The following ZFP64 variants were observed in gnomAD, a reference collection of about 807,000 sequenced individuals.
ZFP64 encodes the protein zinc finger protein 64.
ZFP64 carries 14 observed loss-of-function variants against 51.6 expected under a neutral mutation model. That is an observed-to-expected ratio of 0.27 (90% CI 0.18 to 0.42). The LOEUF is 0.42. Ranked by LOEUF, ZFP64 falls within the 10% of genes least tolerant of loss-of-function variation. ZFP64 has a pLI of 1.00. For missense variants in ZFP64, 754 were observed against 906.8 expected (o/e 0.83, Z 2.16); for synonymous variants, 375 against 361.4 (o/e 1.04, Z -0.43).
At chr20:52,120,642 T>C (rs1979137787) in intron 5 of ZFP64, among the ~76,000 whole-genome samples, 1 of 151,662 alleles carries the variant, frequency 6.6e-6, no homozygotes, top group South Asian at 2.1e-4. Flanking sequence ...TATCATTTAT[T>C]ATATCTGTTA....
At chr20:52,104,780 C>G in intron 5 of ZFP64, 1 of 575,300 alleles carries the variant, frequency 1.7e-6, no homozygotes, top group African/African-American at 1.9e-5. Flanking sequence ...GGCGCGCAGC[C>G]GAAGCCCAGT....
chr20:52,106,653 GT>G (rs1469282171), intron 5 of ZFP64, among the ~76,000 whole-genome samples: 1 of 152,084 alleles, frequency 6.6e-6, no homozygotes, highest in African/African-American at 2.4e-5. Flanking sequence ...TGATTTTCAG[GT>G]TGTGAATCGA....
chr20:52,118,649 C>T (rs1979004671), intron 5 of ZFP64, among the ~76,000 whole-genome samples: 1 of 152,176 alleles, frequency 6.6e-6, no homozygotes, highest in African/African-American at 2.4e-5. Context: ...CCACTGGGGG[C>T]AAGGCTTTGC....
chr20:52,178,228 G>A (rs1983375653), intron 2 of ZFP64, among the ~76,000 whole-genome samples: 1 of 152,032 alleles, frequency 6.6e-6, no homozygotes, highest in Non-Finnish European at 1.5e-5. Flanking sequence ...AAGCAAGTTT[G>A]AGAAACATCG....
In ZFP64 at chr20:52,105,278, C is replaced by T. The variant is rs1055919840; in HGVS notation, c.764-6691G>A. ...CTCCCCGCGCGTCCCTAGGAGTGGCCTACTTCACACAACGAATTCCCGGAG... is the reference window on the plus strand; with the variant it reads ...CTCCCCGCGCGTCCCTAGGAGTGGCTTACTTCACACAACGAATTCCCGGAG... On this transcript the variant is annotated intron_variant, in intron 5 of 8. Coordinates refer to the ZFP64 transcript ENST00000361387. The T allele has an allele frequency of 4.7e-6, 6 of 1,285,770 alleles. No homozygotes were observed. In the African/African-American group the frequency reaches 6.2e-5, roughly 13 times the overall value. The allele number at this position is 1,285,770 out of a possible 1,614,324, so 79.6% of individuals were successfully genotyped here.
chr20:52,129,869 T>C lies in ZFP64; in HGVS notation c.763+30254A>G, dbSNP rs1979638585. On this transcript the variant is annotated intron_variant, in intron 5 of 8. Transcript: ENST00000361387. The stretch of plus-strand genomic sequence containing the variant: ...CCACCATGGTATGCCCCGGGGCAAT[T>C]CATCTTTGCTGAATGAGTGCAATCG... 2.0e-5 allele frequency among the ~76,000 whole-genome samples: 3 copies of C among 152,206 alleles called. No homozygotes were observed. The South Asian group carries it at 6.2e-4, about 32-fold the overall frequency.
At chr20:52,102,384 A>ATGCC (rs1280697989) in intron 5 of ZFP64, among the ~76,000 whole-genome samples, 1 of 152,078 alleles carries the variant, frequency 6.6e-6, no homozygotes, top group African/African-American at 2.4e-5. Context: ...TTCCCAGTTG[A>ATGCC]TGCCGATGCT....
intron 1 of ZFP64, among the ~76,000 whole-genome samples, chr20:52,188,437 C>T (rs1393773555): frequency 6.7e-6 from 1 of 148,878 alleles, no homozygotes; most frequent in African/African-American, 2.5e-5. Flanking sequence ...GCCCCAGCCT[C>T]CCAAGTAGCT....
At chr20:52,125,228 C>T (rs1340083667) in intron 5 of ZFP64, among the ~76,000 whole-genome samples, 2 of 152,192 alleles carry the variant, frequency 1.3e-5, no homozygotes, top group Admixed American at 6.5e-5. Context: ...TTGTTGATTA[C>T]ACACACCAGA....
intron 5 of ZFP64, chr20:52,105,384 A>G (rs901007977): frequency 1.6e-6 from 2 of 1,234,874 alleles, no homozygotes; most frequent in African/African-American, 1.6e-5. Flanking sequence ...ATTTATCAAG[A>G]GTCCTGACGG....
At position 52,152,252 on chromosome 20, in the gene ZFP64, A is replaced by T; in HGVS notation, c.1940T>A (p.Val647Asp). The part of the protein sequence containing the change: ...NIAVATTAPP[V>D]FSSSSQQELP... ...TTCTTGCTGGGAAGAGGAGGAGAAG[A>T]CCGGTGGCGCTGTGGTGGCCACTGC... The change falls in exon 6 of 6, where the codon GTC becomes GAC. Residue 647 changes from valine (V) to aspartate (D), a missense_variant. Physicochemically the swap from Val to Asp is radical, Grantham distance 152. This residue lies in a region of ZFP64 where 428 missense variants were observed against 472.4 expected (regional missense o/e 0.91). Transcript: ENST00000216923. 1 of 1,614,128 alleles carries T rather than the reference A, an allele frequency of 6.2e-7. No homozygotes were observed. The highest frequency in any genetic ancestry group is 8.5e-7 in the Non-Finnish European group (1 of 1,180,020).
intron 6 of ZFP64, chr20:52,098,308 T>C: frequency 7.6e-7 from 1 of 1,312,730 alleles, no homozygotes; most frequent in Non-Finnish European, 1.0e-6. Flanking sequence ...GGCTGTTGTG[T>C]GCTGATGTAG....
chr20:52,153,383 A>T lies in ZFP64; in HGVS notation c.809T>A (p.Ile270Asn). ...CATGTGCCTTTTCAAGTCCGAGCTGATTTTGAACTTGGCGCTACAGAGCCA... is the reference window on the plus strand; with the variant it reads ...CATGTGCCTTTTCAAGTCCGAGCTGTTTTTGAACTTGGCGCTACAGAGCCA... ...QCWLCSAKFK[I>N]SSDLKRHMRV... The change falls in exon 6 of 6, where the codon ATC becomes AAC. Residue 270 changes from isoleucine to asparagine, a missense_variant. Physicochemically the swap from Ile to Asn is moderately radical, Grantham distance 149 (BLOSUM62 -3). Coordinates refer to ENST00000216923, the MANE Select transcript of ZFP64 (RefSeq NM_018197.3). This position sits in a 1 kb window ranked among gnomAD's most constrained non-coding sequence, Gnocchi z 5.1. 6.2e-7 allele frequency: 1 copy of T among 1,614,154 alleles called. No homozygotes were observed. Among genetic ancestry groups the T allele is most frequent in the Non-Finnish European group, 8.5e-7 (1 of 1,180,018 alleles).
chr20:52,188,990 A>T (rs1984178926), intron 1 of ZFP64, among the ~76,000 whole-genome samples: 1 of 152,072 alleles, frequency 6.6e-6, no homozygotes, highest in Non-Finnish European at 1.5e-5. Context: ...AAAAAAAAAA[A>T]GATAACTCGT....
At position 52,160,097 on chromosome 20, in the gene ZFP64, G is replaced by A. The variant is rs1368528472; in HGVS notation, c.763+26C>T. ...TATGCCATAGAAAGTGAGGAGCGTAGAGAGCAAATAACAGGCAGGACTCAC... is the reference window on the plus strand; with the variant it reads ...TATGCCATAGAAAGTGAGGAGCGTAAAGAGCAAATAACAGGCAGGACTCAC... On this transcript the variant is annotated intron_variant, in intron 5 of 5. Transcript: ENST00000216923. The surrounding 1 kb of genome is among the most constrained non-coding windows in gnomAD (Gnocchi z 4.2). 1.9e-6 allele frequency: 3 copies of A among 1,614,062 alleles called. No individual in the cohort carries two copies. Among genetic ancestry groups the A allele is most frequent in the Admixed American group, 1.7e-5 (1 of 60,012 alleles).
At chr20:52,112,381 A>C (rs6013393) in intron 5 of ZFP64, among the ~76,000 whole-genome samples, 31,474 of 152,126 alleles carry the variant, frequency 0.21, 3,641 homozygotes, top group Admixed American at 0.27. Context: ...TAACTAGGCA[A>C]AGTTACTGTT....
At chr20:52,120,699 C>T (rs1242990302) in intron 5 of ZFP64, among the ~76,000 whole-genome samples, 28 of 89,762 alleles carry the variant, frequency 3.1e-4, no homozygotes, top group East Asian at 1.1e-3. Flanking sequence ...TTTTTTGAGA[C>T]GGAGTCTTGC....
intron 5 of ZFP64, among the ~76,000 whole-genome samples, chr20:52,130,040 C>G (rs1051643512): frequency 6.6e-6 from 1 of 152,094 alleles, no homozygotes; most frequent in African/African-American, 2.4e-5. Context: ...CTGTTCCTCT[C>G]GAGATCCACA....
At chr20:52,147,346 T>C (rs1047819801), downstream of ZFP64, among the ~76,000 whole-genome samples, 16 of 152,094 alleles carry the variant, frequency 1.1e-4, no homozygotes, top group African/African-American at 3.6e-4. Context: ...GAAAATGACC[T>C]AAGTACCATA....
Sources: allele counts gnomAD v4.1 joint callset (sites outside exome capture counted in the v4.1 genomes callset), GRCh38; gene constraint gnomAD v4.1.1; regional missense constraint gnomAD v4.1.1; non-coding constraint Gnocchi (gnomAD v3.1); transcripts MANE v1.5; gene names NCBI Gene and HGNC (gene_info 2026-07-23, HGNC 2026-07-21).